PIK3R1: variants seen among roughly 807,000 people sequenced by gnomAD.
PIK3R1 encodes phosphatidylinositol 3-kinase regulatory subunit alpha.
In PIK3R1, 29 loss-of-function variants were observed where a neutral mutation model predicts 98.0. That is an observed-to-expected ratio of 0.30 (90% CI 0.22 to 0.40). The LOEUF is 0.40. Among genes scored for constraint, PIK3R1 ranks in the 10% least tolerant of loss-of-function variants. The pLI, the probability that PIK3R1 is intolerant of heterozygous loss-of-function variation, is 1.00. For synonymous variants in PIK3R1, 282 were observed against 311.8 expected (o/e 0.90, Z 1.01); for missense variants, 596 against 872.7 (o/e 0.68, Z 3.99).
rs1745728896 is a variant in PIK3R1, at chr5:68,261,098, C to T, written c.335-12292C>T. Reference sequence around the variant, plus strand: ...AGTAATTTTCGCTTGGTGCCAACTCCAGTCATTCTCCAGATGCCTGTGATT... The same window carrying T: ...AGTAATTTTCGCTTGGTGCCAACTCTAGTCATTCTCCAGATGCCTGTGATT... On this transcript the variant is annotated intron_variant, in intron 2 of 15. Transcript: ENST00000521381. Among the ~76,000 whole-genome samples, 11 of 152,320 alleles carry T rather than the reference C, an allele frequency of 7.2e-5. No homozygotes were observed. The South Asian group carries it at 2.3e-3, about 32-fold the overall frequency.
At chr5:68,263,896 C>A (rs1174323943) in intron 2 of PIK3R1, among the ~76,000 whole-genome samples, 1 of 152,098 alleles carries the variant, frequency 6.6e-6, no homozygotes, top group East Asian at 1.9e-4. Flanking sequence ...TGCTTCAACT[C>A]CCTTCATATA....
chr5:68,264,923 G>T (rs1664577), intron 2 of PIK3R1, among the ~76,000 whole-genome samples: 132,486 of 152,244 alleles, frequency 0.87, 57,995 homozygotes, highest in African/African-American at 0.95. Context: ...AGCTAGACCC[G>T]CCGGTCCGTC....
chr5:68,258,087 A>G (rs1264963354), intron 2 of PIK3R1, among the ~76,000 whole-genome samples: 1 of 152,216 alleles, frequency 6.6e-6, no homozygotes, highest in Admixed American at 6.5e-5. Context: ...TTGAAGCTTC[A>G]GTCTATGCAC....
At chr5:68,258,327 A>G (rs960873132) in intron 2 of PIK3R1, among the ~76,000 whole-genome samples, 40 of 152,198 alleles carry the variant, frequency 2.6e-4, no homozygotes, top group Admixed American at 2.4e-3. Flanking sequence ...TGTTCTGGAA[A>G]AAGGATGTAT....
Position 68,279,696 on chromosome 5 carries a change from A to G in PIK3R1, c.597A>G (p.Pro199=). 6.2e-7 allele frequency: 1 copy of G among 1,614,198 alleles called. No individual in the cohort carries two copies. Among genetic ancestry groups the G allele is most frequent in the Non-Finnish European group, 8.5e-7 (1 of 1,180,014 alleles). The change falls in exon 5 of 16, where the codon CCA becomes CCG. Residue 199 remains proline, a synonymous_variant. Transcript: ENST00000521381. ...TGGACTTACCAAATCCTGTCATTCC[A>G]GCAGCCGTTTACAGTGAAATGATTT... is the stretch of plus-strand genomic sequence containing the variant. ...YLLDLPNPVI[P]AAVYSEMISL...
intron 2 of PIK3R1, among the ~76,000 whole-genome samples, chr5:68,244,964 G>T (rs977890029): frequency 6.6e-6 from 1 of 152,142 alleles, no homozygotes; most frequent in Non-Finnish European, 1.5e-5. Context: ...CTGTTATTGA[G>T]GGGCAAAACA....
chr5:68,238,889 G>GT (rs1197994316), intron 2 of PIK3R1, among the ~76,000 whole-genome samples: 3 of 151,500 alleles, frequency 2.0e-5, no homozygotes, highest in African/African-American at 2.4e-5. Context: ...TAAGAATAAT[G>GT]TTAAAGTACC....
intron 7 of PIK3R1, among the ~76,000 whole-genome samples, chr5:68,282,401 C>T (rs573187624): frequency 2.6e-5 from 4 of 152,224 alleles, no homozygotes; most frequent in African/African-American, 9.6e-5. Flanking sequence ...GGACCCTGCT[C>T]TCAGTGAAGG....
At chr5:68,277,771 A>G (rs1245725114) in intron 4 of PIK3R1, among the ~76,000 whole-genome samples, 1 of 152,186 alleles carries the variant, frequency 6.6e-6, no homozygotes, top group East Asian at 1.9e-4. Flanking sequence ...TGAGGTCTCG[A>G]TAATATTTTG....
rs1366632643 is a variant in PIK3R1, at chr5:68,298,004, C to G, written c.*403C>G. 2 of 236,300 alleles carry G rather than the reference C, an allele frequency of 8.5e-6. No individual in the cohort carries two copies. Among genetic ancestry groups the G allele is most frequent in the Non-Finnish European group, 1.7e-5 (2 of 120,222 alleles). 14.6% of individuals were successfully genotyped at this position (236,300 alleles called of 1,614,324 possible). On this transcript the variant is annotated 3_prime_UTR_variant, in exon 16 of 16. Coordinates refer to ENST00000521381, the MANE Select transcript of PIK3R1 (RefSeq NM_181523.3). ...CTCTGGAGAGCGGAGGAGAGAGAGG[C>G]AGAAGAACCCTGGCCTGAGAAGGTT...
chr5:68,226,548 C>T lies in PIK3R1; in HGVS notation c.-128C>T, dbSNP rs1442847156. ...CCTCTTAAACCTTTGGAGAGTGGTC[C>T]TTTGTCCTCTGCTGGACACATAATA... On this transcript the variant is annotated 5_prime_UTR_variant, in exon 2 of 16. Transcript: ENST00000521381. The T allele has an allele frequency of 6.7e-6, 5 of 741,384 alleles. No individual in the cohort carries two copies. The highest frequency in any genetic ancestry group is 1.8e-5 in the African/African-American group (1 of 56,194). The allele number at this position is 741,384 out of a possible 1,614,324, so 45.9% of individuals were successfully genotyped here. A position where few individuals can be genotyped will look rare whatever the true frequency, so the allele number is the denominator to read the frequency against.
intron 7 of PIK3R1, chr5:68,291,418 C>T (rs1747382654): frequency 6.6e-6 from 1 of 151,590 alleles, no homozygotes; most frequent in African/African-American, 2.4e-5. Context: ...AAAATAGTAA[C>T]AGTGCTTTAA....
At chr5:68,260,943 A>G (rs1009881490) in intron 2 of PIK3R1, among the ~76,000 whole-genome samples, 14 of 152,234 alleles carry the variant, frequency 9.2e-5, no homozygotes, top group Non-Finnish European at 1.9e-4. Flanking sequence ...CAAAGTGAAA[A>G]TGTATACCAA....
At chr5:68,267,041 T>C (rs1164447995) in intron 2 of PIK3R1, among the ~76,000 whole-genome samples, 5 of 152,184 alleles carry the variant, frequency 3.3e-5, no homozygotes, top group African/African-American at 1.2e-4. Flanking sequence ...TTATAAATCA[T>C]TGGCTTCAAA....
rs1284707728 is a variant in PIK3R1 at position 68,298,982 on chromosome 5, T to G, written c.*1381T>G. On this transcript the variant is annotated 3_prime_UTR_variant, in exon 16 of 16. Coordinates refer to ENST00000521381, the MANE Select transcript of PIK3R1 (RefSeq NM_181523.3). Reference sequence around the variant, plus strand: ...GTGAATAACTGCAAAGTGAAGTTGCTTCTTCTACTTCAGTCTTCTCTCACT... The same window carrying G: ...GTGAATAACTGCAAAGTGAAGTTGCGTCTTCTACTTCAGTCTTCTCTCACT... The G allele has an allele frequency of 4.3e-6, 1 of 233,438 alleles. No homozygotes were observed. Among genetic ancestry groups the G allele is most frequent in the Non-Finnish European group, 8.5e-6 (1 of 117,970 alleles). The allele number at this position is 233,438 out of a possible 1,614,324, so 14.5% of individuals were successfully genotyped here.
chr5:68,298,166 G>A lies in PIK3R1; in HGVS notation c.*565G>A, dbSNP rs3729984. The stretch of plus-strand genomic sequence containing the variant: ...TCCACTCACAAGGGACGCTTTGGGA[G>A]AATGTCAGTTCATGTATGTTCAGAA... On this transcript the variant is annotated 3_prime_UTR_variant, in exon 16 of 16. Transcript: ENST00000521381. 8,687 of 231,874 alleles carry A rather than the reference G, an allele frequency of 0.037. 229 individuals are homozygous for A. The highest frequency in any genetic ancestry group is 0.077 in the South Asian group (425 of 5,500). The allele number at this position is 231,874 out of a possible 1,614,324, so 14.4% of individuals were successfully genotyped here.
intron 2 of PIK3R1, among the ~76,000 whole-genome samples, chr5:68,248,380 G>A (rs776266746): frequency 3.7e-4 from 57 of 152,126 alleles, no homozygotes; most frequent in Non-Finnish European, 7.2e-4. Flanking sequence ...CACTAGCATA[G>A]CAGTTTTTGA....
At chr5:68,262,403 T>TATATATATATATATAC (rs33968242) in intron 2 of PIK3R1, among the ~76,000 whole-genome samples, 6 of 140,618 alleles carry the variant, frequency 4.3e-5, no homozygotes, top group African/African-American at 1.6e-4. Flanking sequence ...TATATATATA[T>TATATATATATATATAC]ACACACACGC....
At chr5:68,273,633 T>G (rs573658965) in intron 3 of PIK3R1, 151 bp downstream of exon 3, 2 of 683,846 alleles carry the variant, frequency 2.9e-6, no homozygotes, top group African/African-American at 1.8e-5. Context: ...TGGGGCTAAG[T>G]ACTGGGAAAA....
Sources: allele counts gnomAD v4.1 joint callset (sites outside exome capture counted in the v4.1 genomes callset), GRCh38; gene constraint gnomAD v4.1.1; transcripts MANE v1.5; gene names NCBI Gene and HGNC (gene_info 2026-07-23, HGNC 2026-07-21).